Variants in CD244 observed in about 807,000 individuals in gnomAD.
CD244 encodes natural killer cell receptor 2B4.
CD244 carries 20 observed loss-of-function variants against 45.5 expected under a neutral mutation model. The observed-to-expected ratio is 0.44, with a 90% CI of 0.31 to 0.64. The LOEUF is 0.64. Among genes scored for constraint, CD244 ranks in the 30% least tolerant of loss-of-function variants. The pLI is 0.08. For synonymous variants in CD244, 185 were observed against 160.5 expected (o/e 1.15, Z -1.15); for missense variants, 407 against 426.9 (o/e 0.95, Z 0.41).
intron 3 of CD244, among the ~76,000 whole-genome samples, chr1:160,840,131 C>CTT (rs35151948): frequency 1.4e-5 from 2 of 138,818 alleles, no homozygotes; most frequent in African/African-American, 2.6e-5. Flanking sequence ...CACAGAGCTT[C>CTT]TTTTTTTTTT....
chr1:160,861,876 ATAAAT>A lies in CD244; in HGVS notation c.61+736_61+740del, dbSNP rs1670322538. Among the ~76,000 whole-genome samples the A allele has an allele frequency of 2.0e-5, 3 of 152,148 alleles. No homozygotes were observed. In the South Asian group the frequency reaches 6.2e-4, roughly 32 times the overall value. On this transcript the variant is annotated intron_variant, in intron 1 of 8. Transcript: ENST00000368034. ...TAAATAAAAATTAAAAATGAAATAA[ATAAAT>A]TAATTCAATTAAATTAAATGCGGGA...
chr1:160,832,834 T>G, intron 7 of CD244: 2 of 489,344 alleles, frequency 4.1e-6, no homozygotes, highest in East Asian at 5.4e-5. Context: ...CATACCCACA[T>G]ACACCTAAAA....
In CD244 at chr1:160,831,390, C is replaced by A; in HGVS notation, c.1055G>T (p.Arg352Leu). 1 of 1,614,094 alleles carries A rather than the reference C, an allele frequency of 6.2e-7. No individual in the cohort carries two copies. Among genetic ancestry groups the A allele is most frequent in the Middle Eastern group, 1.6e-4 (1 of 6,062 alleles). Residue 352 changes from arginine (R) to leucine (L), a missense_variant, in exon 9 of 9, where the codon CGA becomes CTA. Physicochemically the swap from Arg to Leu is moderately radical, Grantham distance 102. Coordinates refer to ENST00000368034, the MANE Select transcript of CD244 (RefSeq NM_016382.4). ...KSQPKAQNPA[R>L]LSRKELENFD... Reference sequence around the variant, plus strand: ...GTTCTCCAGCTCTTTGCGGCTCAATCGAGCAGGGTTCTGGGCTTTAGGTTG... The same window carrying A: ...GTTCTCCAGCTCTTTGCGGCTCAATAGAGCAGGGTTCTGGGCTTTAGGTTG...
At position 160,841,863 on chromosome 1, in the gene CD244, C is replaced by G; in HGVS notation, c.100G>C (p.Gly34Arg). The change falls in exon 2 of 9, where the codon GGA (glycine) becomes CGA (arginine). Residue 34 changes from glycine to arginine, a missense_variant. Coordinates refer to ENST00000368034, the MANE Select transcript of CD244 (RefSeq NM_016382.4). ...TTTGGTTGTAACTGAAGAGGCACTC[C>G]CGAGATGCTAACCACATGGTCAGCT... ...GSADHVVSIS[G>R]VPLQLQPNSI... The G allele has an allele frequency of 6.2e-7, 1 of 1,614,130 alleles. No individual in the cohort carries two copies. Among genetic ancestry groups the G allele is most frequent in the Non-Finnish European group, 8.5e-7 (1 of 1,180,018 alleles).
At chr1:160,839,175 C>T in intron 3 of CD244, 126 bp from the exon 4 acceptor site, 1 of 642,216 alleles carries the variant, frequency 1.6e-6, no homozygotes, top group South Asian at 1.9e-5. Context: ...GCCTCGTGCT[C>T]TGAGAACTCA....
chr1:160,837,178 A>G (rs1239019287), intron 5 of CD244, among the ~76,000 whole-genome samples: 1 of 151,808 alleles, frequency 6.6e-6, no homozygotes, highest in Non-Finnish European at 1.5e-5. Flanking sequence ...GGCTGAGGCC[A>G]GGCAGGGAGG....
intron 1 of CD244, among the ~76,000 whole-genome samples, chr1:160,857,242 T>C (rs1670143177): frequency 6.6e-6 from 1 of 152,170 alleles, no homozygotes; most frequent in Non-Finnish European, 1.5e-5. Flanking sequence ...TTCAACCACT[T>C]TGGAAAACAG....
Position 160,831,436 on chromosome 1 carries a change from G to C in CD244, c.1018-9C>G. The C allele has an allele frequency of 6.2e-7, 1 of 1,607,210 alleles. No homozygotes were observed. Among genetic ancestry groups the C allele is most frequent in the East Asian group, 2.2e-5 (1 of 44,854 alleles). ...GGTTGACTCTTTCCAATCTGCAAAA[G>C]AAAAGGAGAAACTTCAGACCCTTGC... On this transcript the variant is annotated splice_polypyrimidine_tract_variant and intron_variant, in intron 8 of 8. Coordinates refer to ENST00000368034, the MANE Select transcript of CD244 (RefSeq NM_016382.4).
chr1:160,833,098 C>T (rs770449659), intron 7 of CD244, among the ~76,000 whole-genome samples: 2 of 151,932 alleles, frequency 1.3e-5, no homozygotes, highest in African/African-American at 4.8e-5. Flanking sequence ...TAATTGCCAA[C>T]CCAAGGACAC....
At chr1:160,840,203 A>C (rs565882169) in intron 3 of CD244, among the ~76,000 whole-genome samples, 1 of 151,596 alleles carries the variant, frequency 6.6e-6, no homozygotes, top group East Asian at 1.9e-4. Flanking sequence ...ACCTGGACTC[A>C]AGTGATCCAC....
Position 160,846,776 on chromosome 1 carries a change from A to G in CD244, c.62-4875T>C, listed in dbSNP as rs181737855. Reference sequence around the variant, plus strand: ...CCTGCAGTAAAGGAAATACCAAAGGATGTTCTTTAGATATAAAGAAAATGG... The same window carrying G: ...CCTGCAGTAAAGGAAATACCAAAGGGTGTTCTTTAGATATAAAGAAAATGG... On this transcript the variant is annotated intron_variant, in intron 1 of 8. Transcript: ENST00000368034. 9.2e-5 allele frequency among the ~76,000 whole-genome samples: 14 copies of G among 152,350 alleles called. No homozygotes were observed. The East Asian group carries it at 2.7e-3, about 29-fold the overall frequency.
chr1:160,833,926 G>A (rs1669227136), intron 7 of CD244, 125 bp downstream of exon 7: 1 of 662,520 alleles, frequency 1.5e-6, no homozygotes, highest in East Asian at 2.7e-5. Context: ...TTTAACAGAA[G>A]CTACTCAGAT....
Position 160,862,803 on chromosome 1 carries a change from C to A in CD244, c.-126G>T, listed in dbSNP as rs1571131115. On this transcript the variant is annotated 5_prime_UTR_variant, in exon 1 of 9. Transcript: ENST00000368034. ...CAGAACTGCCTTGCAACCTGTCCAGCCACAGTTTCCTCAATTAGAGGCTGT... is the reference window on the plus strand; with the variant it reads ...CAGAACTGCCTTGCAACCTGTCCAGACACAGTTTCCTCAATTAGAGGCTGT... The A allele has an allele frequency of 1.4e-6, 1 of 714,980 alleles. No individual in the cohort carries two copies. The highest frequency in any genetic ancestry group is 2.8e-5 in the East Asian group (1 of 35,834). The allele number at this position is 714,980 out of a possible 1,614,324, so 44.3% of individuals were successfully genotyped here.
chr1:160,842,018 G>T, intron 1 of CD244, 117 bp from the exon 2 acceptor site: 1 of 722,904 alleles, frequency 1.4e-6, no homozygotes, highest in Non-Finnish European at 2.3e-6. Context: ...GAGGAGCCCA[G>T]AACCTAGGAG....
intron 3 of CD244, chr1:160,839,268 C>G (rs1157788376): frequency 2.3e-5 from 11 of 473,094 alleles, no homozygotes; most frequent in Non-Finnish European, 1.1e-5. Flanking sequence ...AGGCCTGGCT[C>G]AAATTCTAAC....
chr1:160,849,121 C>T (rs1048475680), intron 1 of CD244, among the ~76,000 whole-genome samples: 18 of 152,142 alleles, frequency 1.2e-4, no homozygotes, highest in Middle Eastern at 3.2e-3. Context: ...CTGCAGAATA[C>T]ATTATTCAGT....
Position 160,838,499 on chromosome 1 carries a change from A to G in CD244, c.786T>C (p.Phe262=). Residue 262 remains phenylalanine, a synonymous_variant, in exon 5 of 9, where the codon TTT becomes TTC. Transcript: ENST00000368034. ...EKQSETSPKE[F]LTIYEDVKDL... is the part of the protein sequence containing the mutation. The stretch of plus-strand genomic sequence containing the variant: ...CCTTGACATCTTCGTAAATTGTCAA[A>G]AATTCCTTGGGACTGGTCTCTGAGG... 3.7e-6 allele frequency: 6 copies of G among 1,613,500 alleles called. No individual in the cohort carries two copies. The highest frequency in any genetic ancestry group is 5.1e-6 in the Non-Finnish European group (6 of 1,179,420).
chr1:160,837,499 G>T (rs560403836), intron 5 of CD244, among the ~76,000 whole-genome samples: 5 of 152,162 alleles, frequency 3.3e-5, no homozygotes, highest in Non-Finnish European at 7.4e-5. Flanking sequence ...AATAAATAAA[G>T]ATAAAAATAA....
rs1669069872 is a variant in CD244 at position 160,830,370 on chromosome 1, T to C, written c.*977A>G. 6.6e-6 allele frequency: 1 copy of C among 152,340 alleles called. No individual in the cohort carries two copies. The highest frequency in any genetic ancestry group is 6.5e-5 in the Admixed American group (1 of 15,274). 9.4% of individuals were successfully genotyped at this position (152,340 alleles called of 1,614,324 possible). ...GGCTCAGCCAGAGTCACAGCCCTGC[T>C]CCCCACAGCCTTGTTGAAATGTCTG... On this transcript the variant is annotated 3_prime_UTR_variant, in exon 9 of 9. Transcript: ENST00000368034.
Sources: gnomAD v4.1 joint callset for allele counts (sites outside exome capture counted in the v4.1 genomes callset) on GRCh38, gnomAD v4.1.1 for gene constraint, MANE v1.5 for transcripts, NCBI Gene and HGNC (gene_info 2026-07-23, HGNC 2026-07-21) for gene names.